The following SP100 variants were observed in gnomAD, a reference collection of about 807,000 sequenced individuals.
SP100 encodes the protein nuclear autoantigen Sp-100.
In SP100, 84 loss-of-function variants were observed where a neutral mutation model predicts 130.0. The ratio of observed to expected loss-of-function variants is 0.65; its 90% CI spans 0.54 to 0.77. The LOEUF (loss-of-function observed/expected upper bound fraction) is 0.77. Ranked by LOEUF, SP100 falls within the 30% of genes least tolerant of loss-of-function variation. The pLI is 0.00. For synonymous variants in SP100, 331 were observed against 351.7 expected (o/e 0.94, Z 0.66); for missense variants, 978 against 1,052.2 (o/e 0.93, Z 0.97).
At chr2:230,478,761 G>A (rs1376004316) in intron 17 of SP100, among the ~76,000 whole-genome samples, 2 of 152,098 alleles carry the variant, frequency 1.3e-5, no homozygotes, top group African/African-American at 4.8e-5. Context: ...CAATGTTACT[G>A]GGAAAAATAG....
At position 230,476,643 on chromosome 2, in the gene SP100, ACT is replaced by A. The variant is rs1219942533; in HGVS notation, c.1600+2199_1600+2200del. Among the ~76,000 whole-genome samples, 4 of 152,136 alleles carry A rather than the reference ACT, an allele frequency of 2.6e-5. No individual in the cohort carries two copies. The East Asian group carries it at 7.7e-4, about 29-fold the overall frequency. On this transcript the variant is annotated intron_variant, in intron 17 of 28. Coordinates refer to ENST00000340126, the MANE Select transcript of SP100 (RefSeq NM_001080391.2). ...GAATATAGTTTTATTTAAATGAGTA[ACT>A]CTGTACACACTTGTCCTTTCTTGCT...
At chr2:230,483,764 C>G (rs1275215139) in intron 17 of SP100, among the ~76,000 whole-genome samples, 2 of 152,124 alleles carry the variant, frequency 1.3e-5, no homozygotes, top group African/African-American at 4.8e-5. Context: ...ACAGTCAATT[C>G]TCATTATTCC....
chr2:230,470,124 T>A, intron 15 of SP100, 26 bp downstream of exon 15: 8 of 1,590,736 alleles, frequency 5.0e-6, no homozygotes, highest in Non-Finnish European at 6.8e-6. Context: ...ATGCCAAGAC[T>A]TGGCCTGCAG....
chr2:230,473,656 CA>C (rs1436936936), intron 16 of SP100, among the ~76,000 whole-genome samples: 1 of 152,124 alleles, frequency 6.6e-6, no homozygotes, highest in Admixed American at 6.5e-5. Context: ...CAGACTGTGA[CA>C]AAGAACAGGT....
At chr2:230,481,545 A>G (rs933971399) in intron 17 of SP100, among the ~76,000 whole-genome samples, 4 of 152,132 alleles carry the variant, frequency 2.6e-5, no homozygotes, top group Non-Finnish European at 5.9e-5. Context: ...ATTATCTTGC[A>G]TGTGGAATAC....
chr2:230,464,685 C>T (rs78889669), intron 11 of SP100, among the ~76,000 whole-genome samples: 2,032 of 152,322 alleles, frequency 0.013, 49 homozygotes, highest in African/African-American at 0.047. Flanking sequence ...TGATTTTTCA[C>T]AGGGCTTTTG....
chr2:230,477,267 T>C (rs2065604190), intron 17 of SP100, among the ~76,000 whole-genome samples: 1 of 152,124 alleles, frequency 6.6e-6, no homozygotes. Context: ...GTTGCTAGTA[T>C]TTTGTCCATT....
intron 10 of SP100, chr2:230,462,721 G>T: frequency 1.9e-6 from 1 of 538,806 alleles, no homozygotes; most frequent in Non-Finnish European, 3.4e-6. Context: ...TTGAGAATTA[G>T]CCTTCTTTCT....
intron 8 of SP100, among the ~76,000 whole-genome samples, chr2:230,457,969 G>A (rs115495162): frequency 0.022 from 3,330 of 152,322 alleles, 42 homozygotes; most frequent in Non-Finnish European, 0.03. Flanking sequence ...ACAGGTATGA[G>A]ATGGAAGGGA....
At chr2:230,461,497 G>A (rs2064631799) in intron 9 of SP100, 83 bp downstream of exon 9, 2 of 1,394,752 alleles carry the variant, frequency 1.4e-6, no homozygotes, top group Non-Finnish European at 2.0e-6. Context: ...GGACCATCGG[G>A]GCAGTGCAGG....
At chr2:230,483,446 A>T (rs1220099136) in intron 17 of SP100, among the ~76,000 whole-genome samples, 1 of 152,184 alleles carries the variant, frequency 6.6e-6, no homozygotes, top group Non-Finnish European at 1.5e-5. Context: ...TTGGGCGGGA[A>T]GTGGTTTCTC....
chr2:230,474,410 A>G lies in SP100; in HGVS notation c.1563A>G (p.Glu521=). ...ACTTTCTAGATACCATGGATGTTGA[A>G]AACAATTCTACTTTGGAAAAACACA... is the stretch of plus-strand genomic sequence containing the variant. The part of the protein sequence containing the change: ...ASDMMDTMDV[E]NNSTLEKHSG... The change falls in exon 17 of 29, where the codon GAA becomes GAG. Residue 521 remains glutamate, a synonymous_variant. Transcript: ENST00000340126. The G allele has an allele frequency of 1.3e-6, 2 of 1,538,818 alleles. No homozygotes were observed. The highest frequency in any genetic ancestry group is 1.2e-5 in the South Asian group (1 of 86,764).
In SP100 at chr2:230,528,778, C is replaced by T. The variant is rs536105390; in HGVS notation, c.2095-10489C>T. Among the ~76,000 whole-genome samples, 7 of 152,296 alleles carry T rather than the reference C, an allele frequency of 4.6e-5. No individual in the cohort carries two copies. In the East Asian group the frequency reaches 1.2e-3, roughly 25 times the overall value. On this transcript the variant is annotated intron_variant, in intron 24 of 28. Coordinates refer to ENST00000340126, the MANE Select transcript of SP100 (RefSeq NM_001080391.2). ...CAGATCCCACAGAAATACAAACTAC[C>T]ATCAGAGAATACTATAAATGCCTCT... is the stretch of plus-strand genomic sequence containing the variant.
Position 230,524,176 on chromosome 2 carries a change from A to G in SP100, c.2094+13010A>G, listed in dbSNP as rs10166862. 3.4e-3 allele frequency among the ~76,000 whole-genome samples: 423 copies of G among 124,920 alleles called. 4 individuals are homozygous for G. Among genetic ancestry groups the G allele is most frequent in the African/African-American group, 0.012 (416 of 34,348 alleles). 82.0% of individuals were successfully genotyped at this position (124,920 alleles called of 152,430 possible). ...TGGTGAAACCCTGTCTATACTAAAA[A>G]TACAAAAAAAAAAAAAAAAAAAAAA... On this transcript the variant is annotated intron_variant, in intron 24 of 28. Transcript: ENST00000340126.
intron 17 of SP100, among the ~76,000 whole-genome samples, chr2:230,486,106 A>G (rs2150028023): frequency 6.6e-6 from 1 of 152,270 alleles, no homozygotes; most frequent in South Asian, 2.1e-4. Context: ...ACAGTTCCAC[A>G]TGGCTGGGAG....
intron 2 of SP100, among the ~76,000 whole-genome samples, chr2:230,425,337 C>G (rs957706679): frequency 6.7e-6 from 1 of 149,770 alleles, no homozygotes; most frequent in African/African-American, 2.5e-5. Context: ...TGCTATTTGA[C>G]CCTCTGTTTC....
intron 14 of SP100, 61 bp downstream of exon 14, chr2:230,469,157 T>G (rs1300318626): frequency 7.8e-6 from 8 of 1,022,294 alleles, no homozygotes; most frequent in Non-Finnish European, 1.2e-5. Flanking sequence ...AAAGCTACAT[T>G]CACTTTTTAT....
At chr2:230,484,387 G>T (rs2065968727) in intron 17 of SP100, among the ~76,000 whole-genome samples, 1 of 152,216 alleles carries the variant, frequency 6.6e-6, no homozygotes, top group African/African-American at 2.4e-5. Context: ...GAATAATGAA[G>T]ATTGTGTGCC....
chr2:230,542,268 C>T (rs1199562617), intron 28 of SP100, among the ~76,000 whole-genome samples: 1 of 152,154 alleles, frequency 6.6e-6, no homozygotes, highest in East Asian at 1.9e-4. Context: ...TCAGAGTTGA[C>T]TCATTTCTAG....
Sources: allele counts gnomAD v4.1 joint callset (sites outside exome capture counted in the v4.1 genomes callset), GRCh38; gene constraint gnomAD v4.1.1; transcripts MANE v1.5; gene names NCBI Gene and HGNC (gene_info 2026-07-23, HGNC 2026-07-21).